BCR: variants seen among roughly 807,000 people sequenced by gnomAD.
BCR encodes the protein breakpoint cluster region protein.
In BCR, 58 loss-of-function variants were observed where a neutral mutation model predicts 138.6. That is an observed-to-expected ratio of 0.42 (90% CI 0.34 to 0.52). The LOEUF is 0.52. BCR is among the 20% of genes least tolerant of loss of function. The pLI, the probability that BCR is intolerant of heterozygous loss-of-function variation, is 0.06. For synonymous variants in BCR, 786 were observed against 730.1 expected (o/e 1.08, Z -1.23); for missense variants, 1,599 against 1,727.2 (o/e 0.93, Z 1.32).
intron 1 of BCR, among the ~76,000 whole-genome samples, chr22:23,241,493 T>TC (rs34651392): frequency 0.11 from 16,054 of 152,120 alleles, 1,109 homozygotes; most frequent in East Asian, 0.25. Flanking sequence ...CCCATGCTGC[T>TC]CCCACACCAG....
intron 16 of BCR, among the ~76,000 whole-genome samples, chr22:23,299,297 G>A (rs1331813296): frequency 6.6e-6 from 1 of 152,194 alleles, no homozygotes; most frequent in Non-Finnish European, 1.5e-5. Context: ...AGACTGTTTA[G>A]GGGCTACGTA....
intron 8 of BCR, among the ~76,000 whole-genome samples, chr22:23,275,985 C>T (rs1188565850): frequency 1.3e-5 from 2 of 152,110 alleles, no homozygotes; most frequent in East Asian, 1.9e-4. Context: ...AAGGAAAACG[C>T]GATGTTGTCT....
At chr22:23,240,918 T>G (rs2073082811) in intron 1 of BCR, among the ~76,000 whole-genome samples, 1 of 152,182 alleles carries the variant, frequency 6.6e-6, no homozygotes, top group South Asian at 2.1e-4. Context: ...CTCATATACG[T>G]GGAATCTTAC....
chr22:23,197,611 G>T (rs1454336138), intron 1 of BCR, among the ~76,000 whole-genome samples: 1 of 152,148 alleles, frequency 6.6e-6, no homozygotes, highest in African/African-American at 2.4e-5. Context: ...GAAGGTGAGG[G>T]ATAGGAGAGT....
At chr22:23,186,817 G>A (rs1010480901) in intron 1 of BCR, among the ~76,000 whole-genome samples, 4 of 152,148 alleles carry the variant, frequency 2.6e-5, no homozygotes, top group Non-Finnish European at 5.9e-5. Flanking sequence ...AGCTTCAAGA[G>A]TCTCCTGCTT....
intron 8 of BCR, among the ~76,000 whole-genome samples, chr22:23,274,306 C>T (rs184163528): frequency 1.3e-5 from 2 of 152,270 alleles, no homozygotes; most frequent in African/African-American, 2.4e-5. Flanking sequence ...CCCCTTCCCC[C>T]CCGTCACTGA....
intron 1 of BCR, among the ~76,000 whole-genome samples, chr22:23,233,106 CT>C (rs2072977112): frequency 1.3e-5 from 2 of 152,210 alleles, no homozygotes; most frequent in South Asian, 4.1e-4. Flanking sequence ...TCTTCTATGC[CT>C]TCTGTTGTGT....
At chr22:23,302,427 GCAA>G (rs1432336580) in intron 16 of BCR, 4 of 152,362 alleles carry the variant, frequency 2.6e-5, no homozygotes, top group African/African-American at 4.8e-5. Context: ...TCTACCTGCT[GCAA>G]CTGCCTCACC....
intron 18 of BCR, 147 bp from the exon 19 acceptor site, chr22:23,311,550 G>A (rs1236297342): frequency 2.6e-5 from 16 of 613,844 alleles, no homozygotes. Context: ...GGACAGGCAT[G>A]CAGAAGGCTC....
At chr22:23,304,099 ATTTTTTTT>A (rs56805241) in intron 16 of BCR, among the ~76,000 whole-genome samples, 33 of 102,190 alleles carry the variant, frequency 3.2e-4, no homozygotes, top group Non-Finnish European at 4.9e-4. Flanking sequence ...ATGCCAGGCT[ATTTTTTTT>A]TTTTTTTTTT....
intron 1 of BCR, among the ~76,000 whole-genome samples, chr22:23,237,800 G>A (rs1345544366): frequency 6.6e-6 from 1 of 152,256 alleles, no homozygotes; most frequent in Non-Finnish European, 1.5e-5. Context: ...CCGCTGACCT[G>A]CAGTGGCCTG....
intron 1 of BCR, among the ~76,000 whole-genome samples, chr22:23,201,819 C>T (rs1042233628): frequency 4.6e-5 from 7 of 152,212 alleles, no homozygotes; most frequent in Non-Finnish European, 7.4e-5. Context: ...TCAGACCCTT[C>T]GGTTTCTGGG....
At chr22:23,220,195 A>T (rs754851800) in intron 1 of BCR, among the ~76,000 whole-genome samples, 4 of 152,174 alleles carry the variant, frequency 2.6e-5, no homozygotes, top group Non-Finnish European at 4.4e-5. Flanking sequence ...TTGCATGGGG[A>T]CCAACAGGAT....
chr22:23,261,724 G>C, intron 4 of BCR, 184 bp downstream of exon 4: 1 of 459,898 alleles, frequency 2.2e-6, no homozygotes, highest in Non-Finnish European at 3.7e-6. Flanking sequence ...GAGCCGCCAT[G>C]CCCAGCCTTT....
At chr22:23,196,010 A>G (rs1014453328) in intron 1 of BCR, among the ~76,000 whole-genome samples, 2 of 152,266 alleles carry the variant, frequency 1.3e-5, no homozygotes. Flanking sequence ...AAGACAGGAC[A>G]GTGCCAGTCA....
rs2074071562 is a variant in BCR at position 23,316,318 on chromosome 22, G to A, written c.*796G>A. 6.3e-6 allele frequency: 1 copy of A among 159,386 alleles called. No individual in the cohort carries two copies. Among genetic ancestry groups the A allele is most frequent in the African/African-American group, 3.6e-5 (1 of 28,020 alleles). The allele number at this position is 159,386 out of a possible 1,614,324, so 9.9% of individuals were successfully genotyped here. ...CTCCTGTTTGGCTTCCACAGGCCTG[G>A]ACTTCTCTGGCTTCTCTGCCCACAC... On this transcript the variant is annotated 3_prime_UTR_variant, in exon 23 of 23. Transcript: ENST00000305877.
At chr22:23,278,139 G>A (rs976801901) in intron 8 of BCR, among the ~76,000 whole-genome samples, 5 of 152,196 alleles carry the variant, frequency 3.3e-5, no homozygotes, top group Non-Finnish European at 7.3e-5. Context: ...CTGTCTACTC[G>A]GAGCCTTGGC....
intron 4 of BCR, among the ~76,000 whole-genome samples, chr22:23,262,355 G>T (rs2073371300): frequency 6.6e-6 from 1 of 152,154 alleles, no homozygotes; most frequent in African/African-American, 2.4e-5. Flanking sequence ...GCTCTGAGGT[G>T]TGGCTTTCCT....
At chr22:23,232,169 G>A (rs991736990) in intron 1 of BCR, among the ~76,000 whole-genome samples, 8 of 152,238 alleles carry the variant, frequency 5.3e-5, no homozygotes, top group African/African-American at 1.7e-4. Flanking sequence ...AGAGCTCCTG[G>A]CCCAGTAGGG....
Sources: gnomAD v4.1 joint callset for allele counts (sites outside exome capture counted in the v4.1 genomes callset) on GRCh38, gnomAD v4.1.1 for gene constraint, MANE v1.5 for transcripts, NCBI Gene and HGNC (gene_info 2026-07-23, HGNC 2026-07-21) for gene names.